Variants in AGBL4 observed in about 807,000 individuals in gnomAD.
AGBL4 encodes cytosolic carboxypeptidase 6.
A neutral mutation model predicts 66.4 loss-of-function variants in AGBL4; 58 were observed. The observed-to-expected ratio is 0.87, with a 90% CI of 0.71 to 1.09. AGBL4 has a LOEUF of 1.09. Among genes scored for constraint, AGBL4 ranks in the 50% least tolerant of loss-of-function variants. AGBL4 has a pLI of 0.00. For synonymous variants in AGBL4, 234 were observed against 222.9 expected (o/e 1.05, Z -0.44); for missense variants, 579 against 631.0 (o/e 0.92, Z 0.88).
intron 4 of AGBL4, among the ~76,000 whole-genome samples, chr1:49,096,863 A>G (rs985442448): frequency 1.3e-5 from 2 of 152,054 alleles, no homozygotes; most frequent in African/African-American, 4.8e-5. Context: ...CAGTGAAGGC[A>G]ATGCAAAGAC....
chr1:49,107,690 T>C (rs1463328537), intron 4 of AGBL4, among the ~76,000 whole-genome samples: 4 of 107,080 alleles, frequency 3.7e-5, no homozygotes, highest in Non-Finnish European at 8.1e-5. Context: ...TGTGTGTGTG[T>C]GTGTGAGAGA....
chr1:48,879,282 T>C (rs1392354635), intron 5 of AGBL4, among the ~76,000 whole-genome samples: 6 of 151,750 alleles, frequency 4.0e-5, no homozygotes, highest in African/African-American at 1.5e-4. Context: ...AGTGTGTGTG[T>C]GTGTGTGTGT....
intron 9 of AGBL4, among the ~76,000 whole-genome samples, chr1:48,606,334 T>C (rs1196335715): frequency 6.6e-6 from 1 of 152,232 alleles, no homozygotes; most frequent in East Asian, 1.9e-4. Flanking sequence ...AAAATGGATT[T>C]GTTTACAGAG....
intron 1 of AGBL4, among the ~76,000 whole-genome samples, chr1:49,941,428 A>T (rs1338715164): frequency 2.0e-5 from 3 of 152,156 alleles, no homozygotes; most frequent in African/African-American, 7.2e-5. Flanking sequence ...TTACTACAAG[A>T]AAAGAAAAAT....
intron 3 of AGBL4, among the ~76,000 whole-genome samples, chr1:49,682,961 G>T (rs1462205143): frequency 1.3e-5 from 2 of 152,074 alleles, no homozygotes; most frequent in African/African-American, 4.8e-5. Context: ...ACAGTCAAGG[G>T]GCTCAGAGAA....
At chr1:49,223,000 T>C (rs1649620272) in intron 4 of AGBL4, among the ~76,000 whole-genome samples, 1 of 152,116 alleles carries the variant, frequency 6.6e-6, no homozygotes, top group South Asian at 2.1e-4. Flanking sequence ...CCCATATCCA[T>C]GTGGAGAGCC....
At chr1:48,985,170 T>C (rs181205596) in intron 5 of AGBL4, among the ~76,000 whole-genome samples, 3 of 152,168 alleles carry the variant, frequency 2.0e-5, no homozygotes, top group Admixed American at 1.3e-4. Context: ...GGAAAACTAA[T>C]GTATTCAGCT....
At chr1:48,652,751 T>C (rs891800826) in intron 8 of AGBL4, among the ~76,000 whole-genome samples, 7 of 152,178 alleles carry the variant, frequency 4.6e-5, no homozygotes, top group African/African-American at 1.7e-4. Flanking sequence ...AATTTTAGGC[T>C]GTAAATTATG....
intron 2 of AGBL4, among the ~76,000 whole-genome samples, chr1:49,827,835 T>C (rs1215795296): frequency 6.6e-6 from 1 of 151,998 alleles, no homozygotes; most frequent in African/African-American, 2.4e-5. Flanking sequence ...TGGGGAGAAA[T>C]AAAGTTGGTT....
intron 5 of AGBL4, among the ~76,000 whole-genome samples, chr1:48,895,405 C>T (rs1015345295): frequency 1.3e-5 from 2 of 152,154 alleles, no homozygotes; most frequent in Non-Finnish European, 2.9e-5. Flanking sequence ...GAGGCAGAGG[C>T]CTGGCAAGGA....
At chr1:49,130,553 C>A (rs1378003691) in intron 4 of AGBL4, among the ~76,000 whole-genome samples, 1 of 152,120 alleles carries the variant, frequency 6.6e-6, no homozygotes, top group Non-Finnish European at 1.5e-5. Flanking sequence ...TATCCCAGCA[C>A]CATTTATTAA....
At chr1:49,689,378 C>T (rs541358255) in intron 3 of AGBL4, among the ~76,000 whole-genome samples, 3 of 152,240 alleles carry the variant, frequency 2.0e-5, no homozygotes, top group Non-Finnish European at 4.4e-5. Context: ...AAGGAGTTCA[C>T]TGTAGATAAT....
chr1:49,380,753 C>T (rs1644585666), intron 3 of AGBL4, among the ~76,000 whole-genome samples: 2 of 152,114 alleles, frequency 1.3e-5, no homozygotes, highest in Admixed American at 1.3e-4. Context: ...GAAAGGATTC[C>T]CTATTTAATA....
intron 4 of AGBL4, among the ~76,000 whole-genome samples, chr1:49,139,360 A>AC (rs1646072970): frequency 6.6e-6 from 1 of 152,164 alleles, no homozygotes; most frequent in Non-Finnish European, 1.5e-5. Context: ...GTAGAGTGGC[A>AC]CCATTCATTT....
intron 3 of AGBL4, among the ~76,000 whole-genome samples, chr1:49,484,262 T>C (rs1647017089): frequency 6.6e-6 from 1 of 151,940 alleles, no homozygotes; most frequent in African/African-American, 2.4e-5. Flanking sequence ...TATTCAAAAG[T>C]TGGGAAATCA....
chr1:49,880,358 T>G (rs1647190828), intron 1 of AGBL4, among the ~76,000 whole-genome samples: 1 of 152,002 alleles, frequency 6.6e-6, no homozygotes, highest in Admixed American at 6.6e-5. Flanking sequence ...GTCCTTTCTG[T>G]TTGTTAGTTT....
At chr1:48,877,033 C>A (rs1313415313) in intron 5 of AGBL4, among the ~76,000 whole-genome samples, 1 of 152,074 alleles carries the variant, frequency 6.6e-6, no homozygotes, top group Non-Finnish European at 1.5e-5. Flanking sequence ...ATCCACTAGC[C>A]CAACTATTTT....
In AGBL4 at chr1:48,775,507, G is replaced by C. The variant is rs1415773580; in HGVS notation, c.634+91684C>G. Among the ~76,000 whole-genome samples the C allele has an allele frequency of 3.9e-5, 6 of 152,264 alleles. No homozygotes were observed. In the East Asian group the frequency reaches 1.2e-3, roughly 29 times the overall value. On this transcript the variant is annotated intron_variant, in intron 6 of 13. Coordinates refer to ENST00000371839, the MANE Select transcript of AGBL4 (RefSeq NM_032785.4). ...CTAACCCTTCGTGTTCTTTCTGGTAGAAGGCAGGAACACTATTTGCCCACT... is the reference window on the plus strand; with the variant it reads ...CTAACCCTTCGTGTTCTTTCTGGTACAAGGCAGGAACACTATTTGCCCACT...
chr1:49,730,652 C>T (rs1649369397), intron 2 of AGBL4, among the ~76,000 whole-genome samples: 1 of 152,136 alleles, frequency 6.6e-6, no homozygotes, highest in African/African-American at 2.4e-5. Flanking sequence ...AGATGGAAGC[C>T]AGTTGCAGCA....
Sources: gnomAD v4.1 joint callset for allele counts (sites outside exome capture counted in the v4.1 genomes callset) on GRCh38, gnomAD v4.1.1 for gene constraint, MANE v1.5 for transcripts, NCBI Gene and HGNC (gene_info 2026-07-23, HGNC 2026-07-21) for gene names.